The following PTPRS variants were observed in gnomAD, a reference collection of about 807,000 sequenced individuals.
PTPRS encodes the protein receptor-type tyrosine-protein phosphatase S.
In PTPRS, 63 loss-of-function variants were observed where a neutral mutation model predicts 215.3. The observed-to-expected ratio is 0.29, with a 90% CI of 0.24 to 0.36. The LOEUF (loss-of-function observed/expected upper bound fraction) is 0.36, where lower values mean the gene tolerates loss of function less well. PTPRS is among the 10% of genes least tolerant of loss of function. PTPRS has a pLI of 1.00. For missense variants in PTPRS, 2,258 were observed against 2,825.8 expected, an observed-to-expected ratio of 0.80 and a Z score of 4.56; for synonymous variants, 1,404 against 1,191.4, an observed-to-expected ratio of 1.18 and a Z score of -3.68.
Position 5,212,045 on chromosome 19 carries a change from G to A in PTPRS, c.4975C>T (p.Arg1659Cys), listed in dbSNP as rs1314953096. 1.2e-5 allele frequency: 19 copies of A among 1,613,966 alleles called. No homozygotes were observed. Among genetic ancestry groups the A allele is most frequent in the Non-Finnish European group, 1.5e-5 (18 of 1,180,040 alleles). Residue 1659 changes from arginine to cysteine, a missense_variant, in exon 32 of 38, where the codon CGC becomes TGC. Transcript: ENST00000262963. ...VGCGNTEVPA[R>C]SLYAYIQKLA... ...TTCTGGATGTAGGCATAGAGGCTGC[G>A]TGCGGGCACTTCTGTGTTGCCACAG...
intron 1 of PTPRS, among the ~76,000 whole-genome samples, chr19:5,308,202 G>A (rs1015680008): frequency 1.3e-5 from 2 of 152,144 alleles, no homozygotes; most frequent in Non-Finnish European, 1.5e-5. Flanking sequence ...TGCCAGCCAC[G>A]CCCGGAGGGC....
Position 5,207,957 on chromosome 19 carries a change from GCATCTT to G in PTPRS, c.5737_5742del (p.Lys1913_Met1914del). 6.2e-7 allele frequency: 1 copy of G among 1,614,054 alleles called. No individual in the cohort carries two copies. ...ACCATGGCCGGCCGCTGGGTTCGTA[GCATCTT>G]CACCGTCTGAAAGATGTCCACCACG... On this transcript the variant is annotated inframe_deletion, in exon 37 of 38. Coordinates refer to ENST00000262963, the MANE Select transcript of PTPRS (RefSeq NM_002850.4).
At chr19:5,212,924 G>A (rs1264680105) in intron 30 of PTPRS, among the ~76,000 whole-genome samples, 1 of 140,074 alleles carries the variant, frequency 7.1e-6, no homozygotes, top group African/African-American at 3.3e-5. Flanking sequence ...GCCCTGGACG[G>A]TTTCCAAGTA....
intron 1 of PTPRS, among the ~76,000 whole-genome samples, chr19:5,332,853 T>TA (rs1400164878): frequency 6.6e-6 from 1 of 152,246 alleles, no homozygotes; most frequent in Non-Finnish European, 1.5e-5. Flanking sequence ...ACCGCACATC[T>TA]AAAAAATGCA....
chr19:5,274,112 G>C, intron 3 of PTPRS, 87 bp downstream of exon 3: 4 of 1,511,784 alleles, frequency 2.6e-6, no homozygotes, highest in Non-Finnish European at 3.6e-6. Context: ...TGGGGAACGT[G>C]TCCACGAAGT....
intron 19 of PTPRS, 145 bp from the exon 20 acceptor site, chr19:5,221,398 T>G (rs1599449311): frequency 1.7e-6 from 1 of 581,420 alleles, no homozygotes; most frequent in Admixed American, 4.5e-5. Context: ...GACTGATCCC[T>G]GATCCCAGGC....
In PTPRS at chr19:5,287,265, G is replaced by A. The variant is rs148800826; in HGVS notation, c.-94-1031C>T. Among the ~76,000 whole-genome samples the A allele has an allele frequency of 9.2e-5, 14 of 152,270 alleles. No individual in the cohort carries two copies. The East Asian group carries it at 2.7e-3, about 29-fold the overall frequency. ...AGGAAACCCTTCTCTGCCCCTCAAAGGTCAATTCCCCCTACATTCTACATC... is the reference window on the plus strand; with the variant it reads ...AGGAAACCCTTCTCTGCCCCTCAAAAGTCAATTCCCCCTACATTCTACATC... On this transcript the variant is annotated intron_variant, in intron 1 of 37. Coordinates refer to ENST00000262963, the MANE Select transcript of PTPRS (RefSeq NM_002850.4). This position sits in a 1 kb window ranked among gnomAD's most constrained non-coding sequence, Gnocchi z 4.8.
At chr19:5,322,369 C>A (rs1185807921) in intron 1 of PTPRS, among the ~76,000 whole-genome samples, 2 of 152,206 alleles carry the variant, frequency 1.3e-5, no homozygotes, top group Non-Finnish European at 2.9e-5. Flanking sequence ...CGCAGCACCA[C>A]GTCCGTGGGC....
In PTPRS at chr19:5,219,487, G is replaced by C. The variant is rs765069287; in HGVS notation, c.3766-20C>G. On this transcript the variant is annotated intron_variant, in intron 22 of 37. Coordinates refer to ENST00000262963, the MANE Select transcript of PTPRS (RefSeq NM_002850.4). The stretch of plus-strand genomic sequence containing the variant: ...AAAGGTCTGCAGGGAAAGGAGGGGG[G>C]TCTCCATCAGTGTCCACCCTCCTTG... The C allele has an allele frequency of 1.9e-6, 3 of 1,545,036 alleles. No homozygotes were observed. In the East Asian group the frequency reaches 6.8e-5, roughly 35 times the overall value.
chr19:5,239,950 C>A (rs192298178), intron 12 of PTPRS, among the ~76,000 whole-genome samples: 1 of 151,718 alleles, frequency 6.6e-6, no homozygotes, highest in Non-Finnish European at 1.5e-5. Context: ...GAGATGGGGA[C>A]GCCGATACAT....
chr19:5,229,251 TCA>T, intron 16 of PTPRS, 63 bp downstream of exon 16: 2 of 1,339,562 alleles, frequency 1.5e-6, no homozygotes, highest in Non-Finnish European at 1.9e-6. Context: ...CGTGCAGGAG[TCA>T]CAGCACAGCA....
At chr19:5,330,593 C>T (rs1056057395) in intron 1 of PTPRS, among the ~76,000 whole-genome samples, 4 of 152,162 alleles carry the variant, frequency 2.6e-5, no homozygotes, top group African/African-American at 7.2e-5. Context: ...CTCCTGGCCC[C>T]GTTATCAATG....
chr19:5,225,593 C>A, intron 17 of PTPRS, 134 bp downstream of exon 17: 1 of 800,956 alleles, frequency 1.2e-6, no homozygotes, highest in South Asian at 1.6e-5. Flanking sequence ...AGCCCTCACA[C>A]CTTTGTCTCA....
At chr19:5,280,747 AC>A (rs1433883166) in intron 2 of PTPRS, among the ~76,000 whole-genome samples, 2 of 151,430 alleles carry the variant, frequency 1.3e-5, no homozygotes, top group East Asian at 3.9e-4. Context: ...CAAAAAAATC[AC>A]TAGACCCACC....
rs141511647 is a variant in PTPRS, at chr19:5,304,370, C to G, written c.-94-18136G>C. On this transcript the variant is annotated intron_variant, in intron 1 of 37. Coordinates refer to ENST00000262963, the MANE Select transcript of PTPRS (RefSeq NM_002850.4). Reference sequence around the variant, plus strand: ...TGGCATATGCCTGTAATCCCAGCTACTTGGGAAGCTGAGGCAGGAGGATCG... The same window carrying G: ...TGGCATATGCCTGTAATCCCAGCTAGTTGGGAAGCTGAGGCAGGAGGATCG... 1.5e-3 allele frequency among the ~76,000 whole-genome samples: 224 copies of G among 152,240 alleles called. 1 individual carries two copies. Among genetic ancestry groups the G allele is most frequent in the African/African-American group, 5.1e-3 (213 of 41,542 alleles).
Position 5,231,612 on chromosome 19 carries a change from G to A in PTPRS, c.1853C>T (p.Pro618Leu), listed in dbSNP as rs777396253. The A allele has an allele frequency of 9.7e-7, 1 of 1,025,850 alleles. No homozygotes were observed. The highest frequency in any genetic ancestry group is 1.2e-6 in the Non-Finnish European group (1 of 805,500). The allele number at this position is 1,025,850 out of a possible 1,614,324, so 63.5% of individuals were successfully genotyped here. A position where few individuals can be genotyped will look rare whatever the true frequency, so the allele number is the denominator to read the frequency against. Residue 618 changes from proline to leucine, a missense_variant, in exon 14 of 38, where the codon CCG (proline) becomes CTG (leucine). Pro to Leu is a moderately conservative substitution (Grantham distance 98). Coordinates refer to ENST00000262963, the MANE Select transcript of PTPRS (RefSeq NM_002850.4). ...VVRQRTLQSK[P>L]SAPPQDVKCV... is the part of the protein sequence containing the mutation. Reference sequence around the variant, plus strand: ...TTTAACGTCTTGAGGGGGGGCTGACGGTTCTATTGGAGGGGGGGAGAACGT... The same window carrying A: ...TTTAACGTCTTGAGGGGGGGCTGACAGTTCTATTGGAGGGGGGGAGAACGT...
intron 2 of PTPRS, chr19:5,277,655 C>CAAA: frequency 3.4e-5 from 13 of 379,662 alleles, no homozygotes; most frequent in East Asian, 6.2e-5. Context: ...GACTCCATCT[C>CAAA]AAAAAAAAAA....
At chr19:5,332,100 G>A (rs1006027101) in intron 1 of PTPRS, among the ~76,000 whole-genome samples, 1 of 151,518 alleles carries the variant, frequency 6.6e-6, no homozygotes, top group South Asian at 2.1e-4. Flanking sequence ...ATGTTAAGAT[G>A]TTTCAACCCA....
chr19:5,222,052 A>G, intron 19 of PTPRS, 71 bp downstream of exon 19: 4 of 1,280,576 alleles, frequency 3.1e-6, no homozygotes, highest in Non-Finnish European at 4.5e-6. Flanking sequence ...CTCCAAACTG[A>G]GCCTTAAGCC....
Sources: gnomAD v4.1 joint callset for allele counts (sites outside exome capture counted in the v4.1 genomes callset) on GRCh38, gnomAD v4.1.1 for gene constraint, Gnocchi (gnomAD v3.1) non-coding constraint, MANE v1.5 for transcripts, NCBI Gene and HGNC (gene_info 2026-07-23, HGNC 2026-07-21) for gene names.